Variants in SLC66A3 observed in about 807,000 individuals in gnomAD.
The protein encoded by SLC66A3 is PQ loop repeat containing 3.
In SLC66A3, 23 loss-of-function variants were observed where a neutral mutation model predicts 25.5. That is an observed-to-expected ratio of 0.90 (90% CI 0.65 to 1.28). The LOEUF (loss-of-function observed/expected upper bound fraction) is 1.28. SLC66A3 is among the 50% of genes most tolerant of loss of function. The probability of loss-of-function intolerance (pLI) is 0.00; values close to 1 mark genes in which losing one functional copy is unlikely to be tolerated. For missense variants in SLC66A3, 246 were observed against 262.1 expected (o/e 0.94, Z 0.42); for synonymous variants, 108 against 112.6 (o/e 0.96, Z 0.26).
chr2:11,174,552 A>T (rs536935175), intron 5 of SLC66A3, among the ~76,000 whole-genome samples: 2 of 152,132 alleles, frequency 1.3e-5, no homozygotes, highest in South Asian at 4.1e-4. Flanking sequence ...GCTGGAGTCA[A>T]TTGGCGCAAT....
chr2:11,165,707 G>C (rs1414568686), intron 4 of SLC66A3, among the ~76,000 whole-genome samples: 1 of 152,230 alleles, frequency 6.6e-6, no homozygotes, highest in Admixed American at 6.5e-5. Flanking sequence ...TCACGTCACT[G>C]CACTCCAGCC....
At chr2:11,165,200 C>T (rs935307161) in intron 4 of SLC66A3, among the ~76,000 whole-genome samples, 3 of 151,454 alleles carry the variant, frequency 2.0e-5, no homozygotes, top group South Asian at 2.1e-4. Flanking sequence ...GGCTGCCGGG[C>T]GGAGACGCTC....
chr2:11,165,504 C>T (rs1444591150), intron 4 of SLC66A3, among the ~76,000 whole-genome samples: 3 of 150,950 alleles, frequency 2.0e-5, no homozygotes, highest in East Asian at 2.0e-4. Flanking sequence ...GATGGGCGAC[C>T]GGGCAGAGAC....
intron 4 of SLC66A3, among the ~76,000 whole-genome samples, chr2:11,168,202 G>A (rs866414873): frequency 2.0e-5 from 3 of 151,656 alleles, no homozygotes; most frequent in Middle Eastern, 3.4e-3. Context: ...GGAGAATGGC[G>A]TGAACCCGGG....
intron 3 of SLC66A3, among the ~76,000 whole-genome samples, chr2:11,161,259 A>G (rs982324111): frequency 2.1e-5 from 2 of 94,774 alleles, no homozygotes; most frequent in African/African-American, 3.4e-5. Context: ...AAGCCAGGAG[A>G]GTGTTTTTTT....
chr2:11,160,582 C>T (rs747207303), intron 2 of SLC66A3, 34 bp downstream of exon 2: 32 of 1,614,036 alleles, frequency 2.0e-5, no homozygotes, highest in South Asian at 4.4e-5. Context: ...CGGACTGCCA[C>T]GGGTCTCCCC....
rs766176475 is a variant in SLC66A3 at position 11,177,724 on chromosome 2, T to C, written c.518-13T>C. The C allele has an allele frequency of 4.6e-5, 73 of 1,575,070 alleles. 1 individual carries two copies. In the South Asian group the frequency reaches 6.9e-4, roughly 15 times the overall value. On this transcript the variant is annotated splice_polypyrimidine_tract_variant and intron_variant, in intron 6 of 6. Transcript: ENST00000295083. ...TAAAGACAGTTTTTAATACACTTTT[T>C]TTTTTATTTCAGTTCTTCTACGTTT...
At chr2:11,168,113 T>C (rs2147995513) in intron 4 of SLC66A3, among the ~76,000 whole-genome samples, 1 of 152,100 alleles carries the variant, frequency 6.6e-6, no homozygotes, top group Admixed American at 6.6e-5. Context: ...ACCTCGTCTC[T>C]ACTAAAAATA....
At chr2:11,161,391 T>G (rs1340890671) in intron 3 of SLC66A3, among the ~76,000 whole-genome samples, 2 of 151,828 alleles carry the variant, frequency 1.3e-5, no homozygotes, top group African/African-American at 4.8e-5. Flanking sequence ...TTGATTGCCT[T>G]GATCAAGTGA....
intron 6 of SLC66A3, among the ~76,000 whole-genome samples, chr2:11,176,388 G>T (rs1662744198): frequency 6.6e-6 from 1 of 151,704 alleles, no homozygotes; most frequent in South Asian, 2.1e-4. Context: ...ACTAATTTTT[G>T]TATTTTTAGT....
chr2:11,155,541 G>T lies in SLC66A3; in HGVS notation c.-6G>T. 1 of 1,492,200 alleles carries T rather than the reference G, an allele frequency of 6.7e-7. No homozygotes were observed. The allele number at this position is 1,492,200 out of a possible 1,614,324, so 92.4% of individuals were successfully genotyped here. A position where few individuals can be genotyped will look rare whatever the true frequency, so the allele number is the denominator to read the frequency against. ...CGGCCGCCCAGGTGCCCGCGCCCGT[G>T]GCGCTATGGAGGCGGCGCTGCTGGG... On this transcript the variant is annotated 5_prime_UTR_variant, in exon 1 of 7. Transcript: ENST00000295083.
Position 11,161,526 on chromosome 2 carries a change from CT to C in SLC66A3, c.296+840del, listed in dbSNP as rs1166979518. ...TGCCCAAGTTACAAGATGTTTTAAC[CT>C]TTTTTTTAAGAGACAGGGTCTCACT... On this transcript the variant is annotated intron_variant, in intron 3 of 6. Transcript: ENST00000295083. 1.4e-4 allele frequency among the ~76,000 whole-genome samples: 21 copies of C among 151,176 alleles called. No homozygotes were observed. The East Asian group carries it at 4.1e-3, about 30-fold the overall frequency.
rs555892817 is a variant in SLC66A3 at position 11,169,106 on chromosome 2, C to A, written c.355-2819C>A. On this transcript the variant is annotated intron_variant, in intron 4 of 6. Coordinates refer to ENST00000295083, the MANE Select transcript of SLC66A3 (RefSeq NM_152391.5). ...CTCCTGGCCTCAAGTGATCCTCCTG[C>A]CTTGGCCTCCCGAAGTGCTGGGATT... 2.6e-5 allele frequency among the ~76,000 whole-genome samples: 4 copies of A among 152,158 alleles called. No individual in the cohort carries two copies. In the South Asian group the frequency reaches 8.3e-4, roughly 32 times the overall value.
intron 3 of SLC66A3, among the ~76,000 whole-genome samples, chr2:11,163,705 C>T (rs555225153): frequency 1.3e-5 from 2 of 152,312 alleles, no homozygotes; most frequent in South Asian, 2.1e-4. Flanking sequence ...CGTCACCGAG[C>T]TCGGTGCACA....
intron 4 of SLC66A3, among the ~76,000 whole-genome samples, chr2:11,171,673 A>G (rs1292704344): frequency 4.6e-5 from 7 of 151,820 alleles, no homozygotes; most frequent in Non-Finnish European, 7.4e-5. Flanking sequence ...GGTTCATGCC[A>G]TTCTCCTGCC....
At chr2:11,161,798 G>C (rs972396735) in intron 3 of SLC66A3, among the ~76,000 whole-genome samples, 1 of 152,258 alleles carries the variant, frequency 6.6e-6, no homozygotes, top group Non-Finnish European at 1.5e-5. Flanking sequence ...TGGGATTACA[G>C]GCATGAGCTG....
At chr2:11,170,339 A>G (rs923028607) in intron 4 of SLC66A3, among the ~76,000 whole-genome samples, 27 of 152,262 alleles carry the variant, frequency 1.8e-4, no homozygotes, top group African/African-American at 6.3e-4. Flanking sequence ...CAGAGACTGG[A>G]GTTTCAGCTG....
intron 1 of SLC66A3, among the ~76,000 whole-genome samples, chr2:11,159,714 A>G (rs1442175696): frequency 1.3e-5 from 2 of 152,146 alleles, no homozygotes; most frequent in Admixed American, 1.3e-4. Context: ...GGAGGGAGCC[A>G]AAAAGCTGGG....
At chr2:11,161,233 C>T (rs966536365) in intron 3 of SLC66A3, among the ~76,000 whole-genome samples, 2 of 150,856 alleles carry the variant, frequency 1.3e-5, no homozygotes, top group African/African-American at 2.4e-5. Context: ...ACTAGTTGAA[C>T]GTCACACTCC....
Sources: allele counts gnomAD v4.1 joint callset (sites outside exome capture counted in the v4.1 genomes callset), GRCh38; gene constraint gnomAD v4.1.1; transcripts MANE v1.5; gene names NCBI Gene and HGNC (gene_info 2026-07-23, HGNC 2026-07-21).